The following EMP2 variants were observed in gnomAD, a reference collection of about 807,000 sequenced individuals.
EMP2 encodes epithelial membrane protein 2.
EMP2 carries 19 observed loss-of-function variants against 13.7 expected under a neutral mutation model. The ratio of observed to expected loss-of-function variants is 1.38; its 90% CI spans 0.97 to 2.03. EMP2 has a LOEUF of 2.03. EMP2 is among the 30% of genes most tolerant of loss of function. The pLI is 0.00. For missense variants in EMP2, 253 were observed against 220.7 expected (o/e 1.15, Z -0.93); for synonymous variants, 97 against 84.7 (o/e 1.15, Z -0.80).
intron 1 of EMP2, among the ~76,000 whole-genome samples, chr16:10,557,368 A>C (rs958756741): frequency 5.9e-5 from 9 of 151,508 alleles, no homozygotes; most frequent in African/African-American, 1.9e-4. Context: ...AAAAAAAAAA[A>C]AAAACCCAGA....
At position 10,529,328 on chromosome 16, in the gene EMP2, C is replaced by G. The variant is rs970847575; in HGVS notation, c.*3577G>C. 2 of 152,138 alleles carry G rather than the reference C, an allele frequency of 1.3e-5. No individual in the cohort carries two copies. The highest frequency in any genetic ancestry group is 4.8e-5 in the African/African-American group (2 of 41,420). The allele number at this position is 152,138 out of a possible 1,614,324, so 9.4% of individuals were successfully genotyped here. On this transcript the variant is annotated 3_prime_UTR_variant, in exon 5 of 5. Transcript: ENST00000359543. ...ACCAAGTGAGGGCTGATTCTATCTACAGGTAAGAAGCTTGGATGTTTTCTC... is the reference window on the plus strand; with the variant it reads ...ACCAAGTGAGGGCTGATTCTATCTAGAGGTAAGAAGCTTGGATGTTTTCTC...
rs553180597 is a variant in EMP2 at position 10,563,131 on chromosome 16, T to C, written c.-60-15454A>G. Among the ~76,000 whole-genome samples, 12 of 152,294 alleles carry C rather than the reference T, an allele frequency of 7.9e-5. No individual in the cohort carries two copies. The South Asian group carries it at 2.5e-3, about 32-fold the overall frequency. On this transcript the variant is annotated intron_variant, in intron 1 of 4. Coordinates refer to ENST00000359543, the MANE Select transcript of EMP2 (RefSeq NM_001424.6). ...TCACAGAGCACCTTGTCTTGGTGAC[T>C]TTCAAGTAATCCCCAGGCCCATCAG... is the stretch of plus-strand genomic sequence containing the variant.
At chr16:10,548,498 G>T (rs959776073) in intron 1 of EMP2, among the ~76,000 whole-genome samples, 1 of 152,138 alleles carries the variant, frequency 6.6e-6, no homozygotes, top group Non-Finnish European at 1.5e-5. Flanking sequence ...TTTGAGACCA[G>T]CTTGGGCAAC....
intron 1 of EMP2, among the ~76,000 whole-genome samples, chr16:10,551,920 A>G (rs1336042018): frequency 6.6e-6 from 1 of 152,092 alleles, no homozygotes; most frequent in Non-Finnish European, 1.5e-5. Flanking sequence ...CACACTAACA[A>G]TGAGCCAGGA....
At chr16:10,551,775 C>G (rs1357855314) in intron 1 of EMP2, among the ~76,000 whole-genome samples, 1 of 152,156 alleles carries the variant, frequency 6.6e-6, no homozygotes, top group East Asian at 1.9e-4. Flanking sequence ...TGGACATGCA[C>G]TGACTGCACA....
rs1282084568 is a variant in EMP2 at position 10,547,423 on chromosome 16, T to G, written c.78+117A>C. ...AGTCCATTAGACCTCATTTTCCTTA[T>G]AAATTACCTAGTCTCTGGTATGCCT... On this transcript the variant is annotated intron_variant, in intron 2 of 4. Coordinates refer to ENST00000359543, the MANE Select transcript of EMP2 (RefSeq NM_001424.6). The G allele has an allele frequency of 3.6e-6, 4 of 1,120,750 alleles. No individual in the cohort carries two copies. The East Asian group carries it at 1.0e-4, about 29-fold the overall frequency. 69.4% of individuals were successfully genotyped at this position (1,120,750 alleles called of 1,614,324 possible). A position where few individuals can be genotyped will look rare whatever the true frequency, so the allele number is the denominator to read the frequency against.
rs562959860 is a variant in EMP2, at chr16:10,530,386, T to C, written c.*2519A>G. ...ATATCCATGGTGGCCCTAAAACTAC[T>C]CAAACCAGATGTCTCTTCAGCTCCA... On this transcript the variant is annotated 3_prime_UTR_variant, in exon 5 of 5. Transcript: ENST00000359543. The C allele has an allele frequency of 1.3e-5, 2 of 152,606 alleles. No homozygotes were observed. The highest frequency in any genetic ancestry group is 4.8e-5 in the African/African-American group (2 of 41,526). 9.5% of individuals were successfully genotyped at this position (152,606 alleles called of 1,614,324 possible).
In EMP2 at chr16:10,533,034, G is replaced by C; in HGVS notation, c.375C>G (p.Asp125Glu). ...TCACGGGATAGAATTTCGCGTTTTT[G>C]TCGTGAATGTCTTCACGCCTGTCTG... ...IYTDRREDIH[D>E]KNAKFYPVTR... Residue 125 changes from aspartate (D) to glutamate (E), a missense_variant, in exon 5 of 5, where the codon GAC becomes GAG. By Grantham distance (45) the Asp-to-Glu change is conservative. Transcript: ENST00000359543. 1 of 1,611,148 alleles carries C rather than the reference G, an allele frequency of 6.2e-7. No homozygotes were observed. Among genetic ancestry groups the C allele is most frequent in the African/African-American group, 1.3e-5 (1 of 74,892 alleles).
Position 10,533,095 on chromosome 16 carries a change from G to C in EMP2, c.317-3C>G, listed in dbSNP as rs576112834. On this transcript the variant is annotated splice_region_variant and splice_polypyrimidine_tract_variant and intron_variant, in intron 4 of 4. Coordinates refer to ENST00000359543, the MANE Select transcript of EMP2 (RefSeq NM_001424.6). ...GGCCGCAATCATGACACACAGACCTGTCAGGAAGAAAGGTGAATTTTCAAT... is the reference window on the plus strand; with the variant it reads ...GGCCGCAATCATGACACACAGACCTCTCAGGAAGAAAGGTGAATTTTCAAT... 6 of 1,554,484 alleles carry C rather than the reference G, an allele frequency of 3.9e-6. No individual in the cohort carries two copies. The highest frequency in any genetic ancestry group is 4.4e-6 in the Non-Finnish European group (5 of 1,144,860).
chr16:10,575,021 G>C (rs1156415790), intron 1 of EMP2, among the ~76,000 whole-genome samples: 1 of 152,054 alleles, frequency 6.6e-6, no homozygotes, highest in African/African-American at 2.4e-5. Flanking sequence ...GAGTAGCTGG[G>C]AATACAGGTA....
At chr16:10,541,239 C>CTAAA (rs5815584) in intron 3 of EMP2, among the ~76,000 whole-genome samples, 89,417 of 151,602 alleles carry the variant, frequency 0.59, 28,057 homozygotes, top group African/African-American at 0.81. Context: ...CCTGTCTCCA[C>CTAAA]TAAATACAGT....
chr16:10,563,748 G>A (rs17604145), intron 1 of EMP2, among the ~76,000 whole-genome samples: 36,124 of 152,180 alleles, frequency 0.24, 4,522 homozygotes, highest in African/African-American at 0.28. Context: ...CTGTAGACTA[G>A]CAACCACTCA....
chr16:10,551,666 C>T (rs2050789253), intron 1 of EMP2, among the ~76,000 whole-genome samples: 1 of 152,254 alleles, frequency 6.6e-6, no homozygotes. Flanking sequence ...CTTGGTCTCC[C>T]GAAGTGCTGG....
chr16:10,559,671 CTTGCT>C (rs2050858181), intron 1 of EMP2, among the ~76,000 whole-genome samples: 1 of 152,108 alleles, frequency 6.6e-6, no homozygotes, highest in South Asian at 2.1e-4. Context: ...TTAAATTAGC[CTTGCT>C]TTATTTTTAT....
intron 1 of EMP2, among the ~76,000 whole-genome samples, chr16:10,556,530 C>T (rs556370164): frequency 6.6e-6 from 1 of 152,304 alleles, no homozygotes; most frequent in African/African-American, 2.4e-5. Context: ...TCACTTCTAA[C>T]TGTGGGCAGG....
At chr16:10,563,338 T>A (rs772501673) in intron 1 of EMP2, among the ~76,000 whole-genome samples, 1 of 152,144 alleles carries the variant, frequency 6.6e-6, no homozygotes, top group Non-Finnish European at 1.5e-5. Context: ...ACTACAGGCA[T>A]GCACCACCAC....
chr16:10,539,839 C>A (rs1433170758), intron 3 of EMP2, among the ~76,000 whole-genome samples: 1 of 152,114 alleles, frequency 6.6e-6, no homozygotes, highest in Non-Finnish European at 1.5e-5. Context: ...CAATATGGAG[C>A]CCAAGTGGTG....
intron 1 of EMP2, among the ~76,000 whole-genome samples, chr16:10,565,771 G>C (rs1199023590): frequency 2.0e-5 from 3 of 152,082 alleles, no homozygotes; most frequent in Admixed American, 6.5e-5. Context: ...CAGCACCATG[G>C]GAACCCATTC....
chr16:10,552,874 A>G (rs377700404), intron 1 of EMP2, among the ~76,000 whole-genome samples: 2 of 152,208 alleles, frequency 1.3e-5, no homozygotes, highest in Admixed American at 6.5e-5. Flanking sequence ...ATCAGGAACA[A>G]GCTTCTACAG....
Sources: gnomAD v4.1 joint callset for allele counts (sites outside exome capture counted in the v4.1 genomes callset) on GRCh38, gnomAD v4.1.1 for gene constraint, MANE v1.5 for transcripts, NCBI Gene and HGNC (gene_info 2026-07-23, HGNC 2026-07-21) for gene names.